COL19A1: variants seen among roughly 807,000 people sequenced by gnomAD.
COL19A1 encodes the protein collagen alpha-1(XIX) chain.
In COL19A1, 159 loss-of-function variants were observed where a neutral mutation model predicts 190.2. The observed-to-expected ratio is 0.84, with a 90% CI of 0.73 to 0.95. COL19A1 has a LOEUF of 0.95. COL19A1 is among the 40% of genes least tolerant of loss of function. COL19A1 has a pLI of 0.00. For missense variants in COL19A1, 1,418 were observed against 1,431.9 expected (o/e 0.99, Z 0.16); for synonymous variants, 509 against 458.9 (o/e 1.11, Z -1.39).
chr6:70,026,656 A>G (rs1778746547), intron 12 of COL19A1, among the ~76,000 whole-genome samples: 1 of 152,156 alleles, frequency 6.6e-6, no homozygotes, highest in East Asian at 1.9e-4. Context: ...GTAAAGAATC[A>G]GCTGCTTGGT....
chr6:69,868,306 T>C (rs950313969), intron 1 of COL19A1, among the ~76,000 whole-genome samples: 1 of 151,986 alleles, frequency 6.6e-6, no homozygotes, highest in Non-Finnish European at 1.5e-5. Context: ...AGTAGAGAGA[T>C]CTTTGATATG....
intron 4 of COL19A1, among the ~76,000 whole-genome samples, chr6:69,922,087 G>A (rs1283749417): frequency 6.6e-6 from 1 of 152,032 alleles, no homozygotes; most frequent in Non-Finnish European, 1.5e-5. Context: ...GTCACGTTAA[G>A]TGTTTGTGCT....
intron 14 of COL19A1, among the ~76,000 whole-genome samples, chr6:70,043,432 T>C (rs1226985875): frequency 1.3e-5 from 2 of 152,178 alleles, no homozygotes; most frequent in African/African-American, 2.4e-5. Context: ...GACCTCGTGA[T>C]CTGCCCGTCT....
chr6:70,077,139 C>G (rs1469737965), intron 15 of COL19A1, among the ~76,000 whole-genome samples: 2 of 152,128 alleles, frequency 1.3e-5, no homozygotes, highest in Non-Finnish European at 2.9e-5. Context: ...AAGCCCTCAA[C>G]TTTGTAAAAC....
At chr6:70,120,094 AAAC>A (rs1375508672) in intron 16 of COL19A1, among the ~76,000 whole-genome samples, 1 of 152,176 alleles carries the variant, frequency 6.6e-6, no homozygotes, top group Non-Finnish European at 1.5e-5. Flanking sequence ...CTGTCTCAAA[AAAC>A]AACAACAAAA....
chr6:70,189,943 A>T (rs1374938134), intron 47 of COL19A1, among the ~76,000 whole-genome samples: 1 of 152,238 alleles, frequency 6.6e-6, no homozygotes, highest in African/African-American at 2.4e-5. Flanking sequence ...ATTGGTTAAA[A>T]GTTAAATTGT....
intron 15 of COL19A1, among the ~76,000 whole-genome samples, chr6:70,100,654 G>C (rs916096117): frequency 6.6e-6 from 1 of 150,824 alleles, no homozygotes; most frequent in Non-Finnish European, 1.5e-5. Flanking sequence ...CACCATGCCT[G>C]GCTAATTTTT....
chr6:69,922,552 C>T (rs1316744016), intron 4 of COL19A1, among the ~76,000 whole-genome samples: 1 of 143,646 alleles, frequency 7.0e-6, no homozygotes, highest in Non-Finnish European at 1.5e-5. Flanking sequence ...GCAATCTCGG[C>T]TCACTGCAAC....
chr6:70,023,193 G>A (rs1161931984), intron 11 of COL19A1, among the ~76,000 whole-genome samples: 1 of 150,248 alleles, frequency 6.7e-6, no homozygotes, highest in Non-Finnish European at 1.5e-5. Context: ...GAGTGCAATG[G>A]CATGATCTTG....
At position 69,910,859 on chromosome 6, in the gene COL19A1, A is replaced by G. The variant is rs574986906; in HGVS notation, c.266+10521A>G. The stretch of plus-strand genomic sequence containing the variant: ...TACTTCAGTCTTATCTTTAATCTTA[A>G]TTTGGCTCATAAAAATGCTATTTGA... On this transcript the variant is annotated intron_variant, in intron 4 of 50. Transcript: ENST00000620364. 5.3e-5 allele frequency among the ~76,000 whole-genome samples: 8 copies of G among 152,278 alleles called. No homozygotes were observed. The East Asian group carries it at 1.5e-3, about 29-fold the overall frequency.
intron 49 of COL19A1, among the ~76,000 whole-genome samples, chr6:70,200,426 AG>A (rs1278845704): frequency 6.6e-6 from 1 of 152,228 alleles, no homozygotes; most frequent in Non-Finnish European, 1.5e-5. Flanking sequence ...GTGGCCAAAT[AG>A]GCCCAGGCTT....
chr6:70,120,618 C>T (rs575766222), intron 16 of COL19A1, among the ~76,000 whole-genome samples: 3 of 152,266 alleles, frequency 2.0e-5, no homozygotes, highest in African/African-American at 4.8e-5. Flanking sequence ...ACAATAGCTC[C>T]GTTATTGTTT....
intron 14 of COL19A1, among the ~76,000 whole-genome samples, chr6:70,053,769 A>G (rs1780343558): frequency 1.3e-5 from 2 of 151,068 alleles, no homozygotes; most frequent in African/African-American, 2.5e-5. Flanking sequence ...GCCAGCATAT[A>G]TTTTTCCATT....
intron 11 of COL19A1, among the ~76,000 whole-genome samples, chr6:70,001,412 AATGGTAGTTTG>A (rs1777255922): frequency 6.6e-6 from 1 of 152,156 alleles, no homozygotes; most frequent in South Asian, 2.1e-4. Flanking sequence ...GAAGAATGTC[AATGGTAGTTTG>A]ATAGGAATAG....
chr6:70,161,356 AC>A (rs1319945735), intron 34 of COL19A1, among the ~76,000 whole-genome samples: 2 of 151,912 alleles, frequency 1.3e-5, no homozygotes, highest in African/African-American at 4.9e-5. Context: ...ATTCTTAGAT[AC>A]TACTGCTGAC....
At chr6:70,077,806 G>A (rs1007805397) in intron 15 of COL19A1, among the ~76,000 whole-genome samples, 2 of 101,690 alleles carry the variant, frequency 2.0e-5, no homozygotes, top group Admixed American at 2.3e-4. Flanking sequence ...ATTCAATAAT[G>A]TAAACACAAT....
At chr6:70,071,105 G>A (rs144122118) in intron 15 of COL19A1, among the ~76,000 whole-genome samples, 77 of 152,062 alleles carry the variant, frequency 5.1e-4, no homozygotes, top group African/African-American at 1.5e-3. Flanking sequence ...GATTAAATAC[G>A]TAGTAGCTAC....
intron 4 of COL19A1, among the ~76,000 whole-genome samples, chr6:69,909,641 T>A (rs1770779046): frequency 6.6e-6 from 1 of 152,154 alleles, no homozygotes; most frequent in Admixed American, 6.5e-5. Flanking sequence ...AGATAATTTC[T>A]ATATGAGTAA....
chr6:69,983,560 A>G (rs1285440753), intron 11 of COL19A1, among the ~76,000 whole-genome samples: 1 of 152,120 alleles, frequency 6.6e-6, no homozygotes, highest in Non-Finnish European at 1.5e-5. Flanking sequence ...ATTTAAGGGG[A>G]AAGAATTCAA....
Sources: gnomAD v4.1 joint callset for allele counts (sites outside exome capture counted in the v4.1 genomes callset) on GRCh38, gnomAD v4.1.1 for gene constraint, MANE v1.5 for transcripts, NCBI Gene and HGNC (gene_info 2026-07-23, HGNC 2026-07-21) for gene names.